The following TTC23 variants were observed in gnomAD, a reference collection of about 807,000 sequenced individuals.
TTC23 encodes tetratricopeptide repeat protein 23.
In TTC23, 58 loss-of-function variants were observed where a neutral mutation model predicts 55.1. The observed-to-expected ratio is 1.05, with a 90% CI of 0.85 to 1.31. The LOEUF (loss-of-function observed/expected upper bound fraction) is 1.31. TTC23 is among the 50% of genes most tolerant of loss of function. The pLI, the probability that TTC23 is intolerant of heterozygous loss-of-function variation, is 0.00. For missense variants in TTC23, 516 were observed against 534.4 expected, an observed-to-expected ratio of 0.97 and a Z score of 0.34; for synonymous variants, 203 against 199.9, an observed-to-expected ratio of 1.02 and a Z score of -0.13.
intron 8 of TTC23, among the ~76,000 whole-genome samples, chr15:99,217,109 G>A (rs1324015740): frequency 6.6e-6 from 1 of 151,764 alleles, no homozygotes; most frequent in Non-Finnish European, 1.5e-5. Flanking sequence ...GAAAAAATAA[G>A]AAGCAGAATG....
intron 5 of TTC23, among the ~76,000 whole-genome samples, chr15:99,222,089 C>T (rs1393359776): frequency 6.6e-6 from 1 of 151,846 alleles, no homozygotes; most frequent in Non-Finnish European, 1.5e-5. Flanking sequence ...ATAAGAAGTA[C>T]AATTTATAGT....
chr15:99,228,421 C>G, intron 5 of TTC23, 112 bp downstream of exon 5: 1 of 979,424 alleles, frequency 1.0e-6, no homozygotes, highest in East Asian at 2.7e-5. Flanking sequence ...TATATACTTT[C>G]TTGTATCAAA....
intron 5 of TTC23, among the ~76,000 whole-genome samples, chr15:99,225,196 C>T (rs1362415202): frequency 2.0e-5 from 3 of 152,278 alleles, no homozygotes; most frequent in African/African-American, 7.2e-5. Flanking sequence ...ATACAAGAAA[C>T]AGCTTGTCCT....
intron 8 of TTC23, among the ~76,000 whole-genome samples, chr15:99,215,929 T>G (rs1430301905): frequency 6.6e-6 from 1 of 152,148 alleles, no homozygotes; most frequent in Non-Finnish European, 1.5e-5. Flanking sequence ...AAATATTTTT[T>G]AAAAGGTATT....
At chr15:99,246,503 T>C (rs1347250232) in intron 1 of TTC23, among the ~76,000 whole-genome samples, 1 of 151,690 alleles carries the variant, frequency 6.6e-6, no homozygotes, top group Admixed American at 6.6e-5. Flanking sequence ...TAATCCCAGC[T>C]ACTCAGGAGG....
chr15:99,231,781 T>A lies in TTC23; in HGVS notation c.-20-3049A>T, dbSNP rs558811530. Among the ~76,000 whole-genome samples, 8 of 149,730 alleles carry A rather than the reference T, an allele frequency of 5.3e-5. No homozygotes were observed. The East Asian group carries it at 1.6e-3, about 30-fold the overall frequency. On this transcript the variant is annotated intron_variant, in intron 4 of 13. Transcript: ENST00000394132. Reference sequence around the variant, plus strand: ...TGCTGGGATTACGGGCATTAGCCACTGCGCCTGGCCTGTTTGTTTGTTTGT... The same window carrying A: ...TGCTGGGATTACGGGCATTAGCCACAGCGCCTGGCCTGTTTGTTTGTTTGT...
At chr15:99,185,997 ATAAC>A (rs2074627894) in intron 9 of TTC23, among the ~76,000 whole-genome samples, 1 of 152,238 alleles carries the variant, frequency 6.6e-6, no homozygotes, top group African/African-American at 2.4e-5. Context: ...ACAGGGAAAA[ATAAC>A]AAAACCTCTT....
chr15:99,189,472 G>C (rs1034920648), intron 9 of TTC23, among the ~76,000 whole-genome samples: 1 of 151,966 alleles, frequency 6.6e-6, no homozygotes, highest in African/African-American at 2.4e-5. Context: ...AGCTGCAAGG[G>C]GAAAATAGTT....
chr15:99,249,991 TC>T (rs1207108876), upstream of TTC23, among the ~76,000 whole-genome samples: 1 of 152,048 alleles, frequency 6.6e-6, no homozygotes, highest in Non-Finnish European at 1.5e-5. Context: ...AAAACAGTAT[TC>T]CCCATTAAAA....
chr15:99,223,724 A>G (rs1350510629), intron 5 of TTC23, among the ~76,000 whole-genome samples: 3 of 152,216 alleles, frequency 2.0e-5, no homozygotes, highest in Non-Finnish European at 4.4e-5. Context: ...TTGGCAGCAG[A>G]TTCTCCAGAC....
chr15:99,205,200 G>C (rs760862435), intron 8 of TTC23, among the ~76,000 whole-genome samples: 65 of 152,126 alleles, frequency 4.3e-4, no homozygotes, highest in Non-Finnish European at 7.4e-4. Flanking sequence ...GGTGACTATA[G>C]ATCTGTAGTA....
intron 9 of TTC23, among the ~76,000 whole-genome samples, chr15:99,187,462 A>AAAAAAAAAAAAAAAAAAAAAAAAAAAAAG (rs1230105824): frequency 1.5e-5 from 2 of 132,542 alleles, no homozygotes; most frequent in Non-Finnish European, 3.3e-5. Context: ...CAAAAAAAAA[A>AAAAAAAAAAAAAAAAAAAAAAAAAAAAAG]AAAAAACAAA....
At chr15:99,228,457 A>C (rs2078649272) in intron 5 of TTC23, 76 bp downstream of exon 5, 1 of 1,329,890 alleles carries the variant, frequency 7.5e-7, no homozygotes, top group African/African-American at 1.5e-5. Context: ...ATGTAATCCA[A>C]AACATTCTAC....
chr15:99,222,083 G>T (rs1200341112), intron 5 of TTC23, among the ~76,000 whole-genome samples: 1 of 152,060 alleles, frequency 6.6e-6, no homozygotes, highest in Non-Finnish European at 1.5e-5. Flanking sequence ...ATAAACATAA[G>T]AAGTACAATT....
chr15:99,246,338 G>C, intron 1 of TTC23, among the ~76,000 whole-genome samples: 1 of 152,216 alleles, frequency 6.6e-6, no homozygotes. Flanking sequence ...ACATGGGGCT[G>C]GGCGTGGTGG....
intron 9 of TTC23, among the ~76,000 whole-genome samples, chr15:99,193,995 G>A (rs2075475652): frequency 6.6e-6 from 1 of 151,008 alleles, no homozygotes; most frequent in East Asian, 1.9e-4. Context: ...GGTGGCAAGA[G>A]CAAGACTCTA....
chr15:99,236,561 G>T (rs1191001834), intron 3 of TTC23, among the ~76,000 whole-genome samples: 1 of 151,850 alleles, frequency 6.6e-6, no homozygotes. Flanking sequence ...CAACTCTTGG[G>T]CTCAAGTGAT....
At chr15:99,218,103 C>T (rs550151249) in intron 8 of TTC23, among the ~76,000 whole-genome samples, 1 of 152,376 alleles carries the variant, frequency 6.6e-6, no homozygotes, top group East Asian at 1.9e-4. Context: ...ACAACCTTCT[C>T]TTCGTGTCTC....
chr15:99,206,121 T>A (rs1338453219), intron 8 of TTC23, among the ~76,000 whole-genome samples: 1 of 152,202 alleles, frequency 6.6e-6, no homozygotes, highest in Non-Finnish European at 1.5e-5. Context: ...ATGTGAGGTA[T>A]CATATTTATG....
Sources: allele counts gnomAD v4.1 joint callset (sites outside exome capture counted in the v4.1 genomes callset), GRCh38; gene constraint gnomAD v4.1.1; transcripts MANE v1.5; gene names NCBI Gene and HGNC (gene_info 2026-07-23, HGNC 2026-07-21).